MLLT3: variants seen among roughly 807,000 people sequenced by gnomAD.
MLLT3 encodes the protein protein AF-9.
MLLT3 carries 4 observed loss-of-function variants against 53.2 expected under a neutral mutation model. The ratio of observed to expected loss-of-function variants is 0.08; its 90% CI spans 0.04 to 0.17. MLLT3 has a LOEUF of 0.17. Among genes scored for constraint, MLLT3 ranks in the 10% least tolerant of loss-of-function variants. MLLT3 has a pLI of 1.00. For missense variants in MLLT3, 569 were observed against 684.0 expected, an observed-to-expected ratio of 0.83 and a Z score of 1.87; for synonymous variants, 283 against 230.6, an observed-to-expected ratio of 1.23 and a Z score of -2.06.
At chr9:20,423,611 G>A (rs73430759) in intron 4 of MLLT3, among the ~76,000 whole-genome samples, 21,919 of 150,886 alleles carry the variant, frequency 0.15, 2,763 homozygotes, top group East Asian at 0.65. Context: ...CCAGGGGTTC[G>A]AGACCAGCCT....
At chr9:20,384,840 C>A (rs1300389380) in intron 5 of MLLT3, among the ~76,000 whole-genome samples, 1 of 152,084 alleles carries the variant, frequency 6.6e-6, no homozygotes, top group Admixed American at 6.6e-5. Context: ...TCTAAAAATT[C>A]TCTGCCAAAC....
intron 5 of MLLT3, among the ~76,000 whole-genome samples, chr9:20,370,317 A>G (rs929775513): frequency 6.6e-6 from 1 of 152,130 alleles, no homozygotes; most frequent in Admixed American, 6.5e-5. Flanking sequence ...CTTTGGGGAC[A>G]CCACAAACCG....
chr9:20,599,720 T>C (rs1360252630), intron 2 of MLLT3, among the ~76,000 whole-genome samples: 2 of 152,166 alleles, frequency 1.3e-5, no homozygotes, highest in East Asian at 1.9e-4. Flanking sequence ...ATATAATCTA[T>C]CATCCAAAGA....
chr9:20,352,581 C>T, intron 10 of MLLT3, among the ~76,000 whole-genome samples: 1 of 151,840 alleles, frequency 6.6e-6, no homozygotes, highest in East Asian at 1.9e-4. Context: ...TTGTTCAAAT[C>T]TAAAATTCTA....
chr9:20,470,575 A>G (rs1323634500), intron 2 of MLLT3, among the ~76,000 whole-genome samples: 2 of 152,006 alleles, frequency 1.3e-5, no homozygotes, highest in African/African-American at 4.8e-5. Context: ...CTACCAAGAA[A>G]CTGAATAAGC....
intron 2 of MLLT3, among the ~76,000 whole-genome samples, chr9:20,530,077 A>G (rs989561429): frequency 6.6e-6 from 1 of 152,230 alleles, no homozygotes; most frequent in Non-Finnish European, 1.5e-5. Context: ...ATTTCAAAGG[A>G]AAGCCTATAC....
At chr9:20,463,138 A>G (rs1683466022) in intron 2 of MLLT3, among the ~76,000 whole-genome samples, 1 of 152,196 alleles carries the variant, frequency 6.6e-6, no homozygotes, top group South Asian at 2.1e-4. Context: ...GAGAACCCCT[A>G]GATTTGGAAT....
rs1339179490 is a variant in MLLT3, at chr9:20,621,212, G to A, written c.13-378C>T. On this transcript the variant is annotated intron_variant, in intron 1 of 10. Transcript: ENST00000380338. The surrounding 1 kb of genome is among the most constrained non-coding windows in gnomAD (Gnocchi z 7.0). ...CCGGGGCGGTTTCCCGGCGTGGGAG[G>A]GGAGGTGGCTGGGACCCAGGGGGAC... is the stretch of plus-strand genomic sequence containing the variant. 6.6e-6 allele frequency among the ~76,000 whole-genome samples: 1 copy of A among 152,198 alleles called. No individual in the cohort carries two copies. The highest frequency in any genetic ancestry group is 6.5e-5 in the Admixed American group (1 of 15,288).
intron 4 of MLLT3, among the ~76,000 whole-genome samples, chr9:20,444,194 G>A (rs189256117): frequency 2.4e-4 from 37 of 152,178 alleles, no homozygotes; most frequent in Non-Finnish European, 3.4e-4. Context: ...ATTATCTGTC[G>A]TGATCATAAG....
At chr9:20,352,761 G>A (rs531500874) in intron 10 of MLLT3, among the ~76,000 whole-genome samples, 3 of 143,780 alleles carry the variant, frequency 2.1e-5, no homozygotes, top group East Asian at 2.0e-4. Context: ...AAGTACTAAC[G>A]TCAAGTCATT....
At chr9:20,439,083 G>A (rs1823479049) in intron 4 of MLLT3, among the ~76,000 whole-genome samples, 2 of 152,030 alleles carry the variant, frequency 1.3e-5, no homozygotes, top group African/African-American at 2.4e-5. Context: ...GGCCAGGTGC[G>A]GTGGCTCACA....
chr9:20,594,193 G>A (rs556840814), intron 2 of MLLT3, among the ~76,000 whole-genome samples: 2 of 151,874 alleles, frequency 1.3e-5, no homozygotes, highest in African/African-American at 4.8e-5. Context: ...CGCCTACCTC[G>A]GCCTCCCAAA....
intron 2 of MLLT3, among the ~76,000 whole-genome samples, chr9:20,563,714 G>A (rs1819278239): frequency 6.6e-6 from 1 of 152,020 alleles, no homozygotes. Flanking sequence ...ATACCTCTTG[G>A]CCACAGACAG....
At chr9:20,535,180 T>A (rs1412872097) in intron 2 of MLLT3, among the ~76,000 whole-genome samples, 3 of 152,210 alleles carry the variant, frequency 2.0e-5, no homozygotes, top group African/African-American at 7.2e-5. Context: ...CATTAGATTG[T>A]TTCTCATAGG....
At position 20,621,770 on chromosome 9, in the gene MLLT3, C is replaced by T; in HGVS notation, c.12+475G>A. On this transcript the variant is annotated intron_variant, in intron 1 of 10. Coordinates refer to ENST00000380338, the MANE Select transcript of MLLT3 (RefSeq NM_004529.4). This position sits in a 1 kb window ranked among gnomAD's most constrained non-coding sequence, Gnocchi z 7.0. ...TCACACACGCGCGCCGCGGAGAACG[C>T]ACCATCGTAGCGGCCGCGGCGCTTT... is the stretch of plus-strand genomic sequence containing the variant. The T allele has an allele frequency of 6.7e-7, 1 of 1,486,666 alleles. No individual in the cohort carries two copies. The highest frequency in any genetic ancestry group is 8.9e-7 in the Non-Finnish European group (1 of 1,127,156). The allele number at this position is 1,486,666 out of a possible 1,614,324, so 92.1% of individuals were successfully genotyped here. A position where few individuals can be genotyped will look rare whatever the true frequency, so the allele number is the denominator to read the frequency against.
intron 2 of MLLT3, among the ~76,000 whole-genome samples, chr9:20,581,306 TAAAC>T (rs1819786417): frequency 1.3e-5 from 2 of 152,292 alleles, no homozygotes. Context: ...AGAAATTACA[TAAAC>T]AAAATTAAAG....
intron 2 of MLLT3, among the ~76,000 whole-genome samples, chr9:20,583,448 A>G (rs1819859177): frequency 6.6e-6 from 1 of 151,778 alleles, no homozygotes; most frequent in Admixed American, 6.6e-5. Flanking sequence ...CCCAGTAGGG[A>G]CTCTGTGTGG....
At chr9:20,489,486 T>C (rs564121458) in intron 2 of MLLT3, among the ~76,000 whole-genome samples, 2 of 152,328 alleles carry the variant, frequency 1.3e-5, no homozygotes, top group South Asian at 2.1e-4. Context: ...AGAGAAACTG[T>C]GGGTGATTAT....
chr9:20,549,493 T>A (rs988903945), intron 2 of MLLT3, among the ~76,000 whole-genome samples: 1 of 152,200 alleles, frequency 6.6e-6, no homozygotes, highest in African/African-American at 2.4e-5. Context: ...CTAAGCATTT[T>A]ACGTAGTTAA....
Sources: allele counts gnomAD v4.1 joint callset (sites outside exome capture counted in the v4.1 genomes callset), GRCh38; gene constraint gnomAD v4.1.1; non-coding constraint Gnocchi (gnomAD v3.1); transcripts MANE v1.5; gene names NCBI Gene and HGNC (gene_info 2026-07-23, HGNC 2026-07-21).